EFEMP2: variants seen among roughly 807,000 people sequenced by gnomAD.
EFEMP2 encodes EGF-containing fibulin-like extracellular matrix protein 2.
EFEMP2 carries 21 observed loss-of-function variants against 55.3 expected under a neutral mutation model. The ratio of observed to expected loss-of-function variants is 0.38; its 90% confidence interval spans 0.27 to 0.55. The LOEUF is 0.55. Among genes scored for constraint, EFEMP2 ranks in the 20% least tolerant of loss-of-function variants. The probability of loss-of-function intolerance (pLI) is 0.77; values close to 1 mark genes in which losing one functional copy is unlikely to be tolerated. For synonymous variants in EFEMP2, 275 were observed against 242.3 expected, an observed-to-expected ratio of 1.14 and a Z score of -1.25; for missense variants, 513 against 615.1, an observed-to-expected ratio of 0.83 and a Z score of 1.76.
chr11:65,872,492 G>A, intron 1 of EFEMP2, 131 bp from the exon 2 acceptor site: 1 of 634,730 alleles, frequency 1.6e-6, no homozygotes, highest in Non-Finnish European at 2.8e-6. Context: ...TCCCAGGGCT[G>A]GGGGCCGACT....
At chr11:65,872,418 T>G in intron 1 of EFEMP2, 57 bp from the exon 2 acceptor site, 4 of 1,234,280 alleles carry the variant, frequency 3.2e-6, no homozygotes, top group African/African-American at 1.5e-5. Flanking sequence ...CAACTCCCTG[T>G]ACCGGGAGCC....
At position 65,872,730 on chromosome 11, in the gene EFEMP2, G is replaced by T. The variant is rs1184935223; in HGVS notation, c.-55C>A. ...GCCCGCGGCTCTGGCGGCTCGGCTG[G>T]CTCGGGCAATGCCTGCGGGCAGACG... On this transcript the variant is annotated 5_prime_UTR_variant, in exon 1 of 11. Transcript: ENST00000307998. The T allele has an allele frequency of 5.6e-6, 2 of 354,982 alleles. No homozygotes were observed. Among genetic ancestry groups the T allele is most frequent in the Non-Finnish European group, 5.7e-6 (1 of 175,554 alleles). 22.0% of individuals were successfully genotyped at this position (354,982 alleles called of 1,614,324 possible).
At chr11:65,871,066 G>C (rs1300348294) in intron 4 of EFEMP2, 91 bp downstream of exon 4, 1 of 1,428,844 alleles carries the variant, frequency 7.0e-7, no homozygotes, top group Non-Finnish European at 9.7e-7. Context: ...ATCACCAGTG[G>C]CCCTTTTGAG....
At chr11:65,867,103 C>T (rs747875416) in intron 10 of EFEMP2, 24 bp from the exon 11 acceptor site, 1 of 1,613,338 alleles carries the variant, frequency 6.2e-7, no homozygotes, top group Non-Finnish European at 8.5e-7. Flanking sequence ...GGTGGGGGGA[C>T]ATATATATTG....
rs72924781 is a variant in EFEMP2 at position 65,870,448 on chromosome 11, G to A, written c.490+88C>T. The A allele has an allele frequency of 4.5e-3, 7,143 of 1,589,232 alleles. 26 individuals are homozygous for A. Among genetic ancestry groups the A allele is most frequent in the Non-Finnish European group, 5.0e-3 (5,871 of 1,164,472 alleles). On this transcript the variant is annotated intron_variant, in intron 5 of 10. Transcript: ENST00000307998. Reference sequence around the variant, plus strand: ...TGAGGTGGCAGGGGCCGGGGGTGAAGCCTGGCTTGAATGGGGGTCAGGTGC... The same window carrying A: ...TGAGGTGGCAGGGGCCGGGGGTGAAACCTGGCTTGAATGGGGGTCAGGTGC...
In EFEMP2 at chr11:65,867,997, T is replaced by C. The variant is rs1257185766; in HGVS notation, c.1034A>G (p.His345Arg). Residue 345 changes from histidine to arginine, a missense_variant, in exon 10 of 11, where the codon CAC becomes CGC. By Grantham distance (29) the His-to-Arg change is conservative (BLOSUM62 0). Transcript: ENST00000307998. ...LCREQPSSIVHRYMTITSERS... is the reference protein window; with the variant it reads ...LCREQPSSIVRRYMTITSERS... ...CTCCGAGGTGATGGTCATGTAGCGGTGCACAATGGATGAAGGCTGCTCTCG... is the reference window on the plus strand; with the variant it reads ...CTCCGAGGTGATGGTCATGTAGCGGCGCACAATGGATGAAGGCTGCTCTCG... The C allele has an allele frequency of 6.2e-7, 1 of 1,613,904 alleles. No homozygotes were observed. Among genetic ancestry groups the C allele is most frequent in the African/African-American group, 1.3e-5 (1 of 74,910 alleles).
chr11:65,872,314 A>G lies in EFEMP2; in HGVS notation c.41T>C (p.Leu14Pro), dbSNP rs1859978687. Residue 14 changes from leucine to proline, a missense_variant, in exon 2 of 11, where the codon CTC (leucine) becomes CCC (proline). By Grantham distance (98) the Leu-to-Pro change is moderately conservative. Transcript: ENST00000307998. ...CASCLPGSLLLWALLLLLLGS... is the reference protein window; with the variant it reads ...CASCLPGSLLPWALLLLLLGS... ...CAAGAGCAACAGTAGCAGCGCCCAG[A>G]GCAGTAGAGACCCGGGTAGGCAGGA... is the stretch of plus-strand genomic sequence containing the variant. The G allele has an allele frequency of 5.2e-6, 8 of 1,551,722 alleles. No homozygotes were observed. The highest frequency in any genetic ancestry group is 1.2e-5 in the South Asian group (1 of 84,064).
chr11:65,870,089 G>GGACCCAGGAGCCTGGCCC, intron 6 of EFEMP2, 32 bp downstream of exon 6: 1 of 1,613,286 alleles, frequency 6.2e-7, no homozygotes, highest in Non-Finnish European at 8.5e-7. Flanking sequence ...TCCCTGCCCA[G>GGACCCAGGAGCCTGGCCC]GACCCAGGAG....
intron 7 of EFEMP2, chr11:65,869,609 G>T: frequency 1.8e-6 from 1 of 560,986 alleles, no homozygotes; most frequent in South Asian, 1.9e-5. Flanking sequence ...CTGATATGTG[G>T]GACAGGTGGC....
chr11:65,872,319 T>C lies in EFEMP2; in HGVS notation c.36A>G (p.Leu12=). The C allele has an allele frequency of 6.4e-7, 1 of 1,551,588 alleles. No homozygotes were observed. The highest frequency in any genetic ancestry group is 8.7e-7 in the Non-Finnish European group (1 of 1,146,976). The change falls in exon 2 of 11, where the codon CTA becomes CTG. Residue 12 remains leucine, a synonymous_variant. Transcript: ENST00000307998. ...LPCASCLPGS[L]LLWALLLLLL... ...GCAACAGTAGCAGCGCCCAGAGCAG[T>C]AGAGACCCGGGTAGGCAGGAGGCGC...
chr11:65,871,089 A>G (rs1859956895), intron 4 of EFEMP2, 68 bp downstream of exon 4: 1 of 1,568,010 alleles, frequency 6.4e-7, no homozygotes, highest in Admixed American at 1.7e-5. Context: ...GGGGAGGAAC[A>G]TGAGGTCTGA....
Position 65,870,526 on chromosome 11 carries a change from C to G in EFEMP2, c.490+10G>C. The stretch of plus-strand genomic sequence containing the variant: ...AAGCCGGGACTACAGAAGCTGCTTC[C>G]TGGACTCACCCACACACTCGGGCCC... On this transcript the variant is annotated intron_variant, in intron 5 of 10. Transcript: ENST00000307998. 1.2e-6 allele frequency: 2 copies of G among 1,613,932 alleles called. No individual in the cohort carries two copies. The highest frequency in any genetic ancestry group is 1.7e-6 in the Non-Finnish European group (2 of 1,179,920).
chr11:65,870,152 G>A lies in EFEMP2; in HGVS notation c.576C>T (p.Phe192=). The part of the protein sequence containing the change: ...GSFRCQCEPG[F]QLGPNNRSCV... ...AGGAGCGGTTGTTAGGCCCCAGCTG[G>A]AAGCCCGGCTCGCACTGGCAGCGGA... The change falls in exon 6 of 11, where the codon TTC becomes TTT. Residue 192 remains phenylalanine (F), a synonymous_variant. Transcript: ENST00000307998. 6.2e-7 allele frequency: 1 copy of A among 1,613,896 alleles called. No homozygotes were observed. The highest frequency in any genetic ancestry group is 1.1e-5 in the South Asian group (1 of 91,082).
In EFEMP2 at chr11:65,868,025, A is replaced by G. The variant is rs1321274245; in HGVS notation, c.1006T>C (p.Cys336Arg). 6.2e-7 allele frequency: 1 copy of G among 1,613,948 alleles called. No homozygotes were observed. Among genetic ancestry groups the G allele is most frequent in the East Asian group, 2.2e-5 (1 of 44,876 alleles). Residue 336 changes from cysteine (C) to arginine (R), a missense_variant, in exon 10 of 11, where the codon TGT becomes CGT. Transcript: ENST00000307998. ...ACAATGGATGAAGGCTGCTCTCGAC[A>G]TAGAGGGTTGGAGGCCGGGCAGAGA... ...RCLCPASNPL[C>R]REQPSSIVHR...
chr11:65,872,740 T>A lies in EFEMP2; in HGVS notation c.-65A>T, dbSNP rs1357733228. 2 of 340,056 alleles carry A rather than the reference T, an allele frequency of 5.9e-6. No homozygotes were observed. The highest frequency in any genetic ancestry group is 1.2e-5 in the Non-Finnish European group (2 of 166,756). The allele number at this position is 340,056 out of a possible 1,614,324, so 21.1% of individuals were successfully genotyped here. A position where few individuals can be genotyped will look rare whatever the true frequency, so the allele number is the denominator to read the frequency against. On this transcript the variant is annotated 5_prime_UTR_variant, in exon 1 of 11. Transcript: ENST00000307998. Reference sequence around the variant, plus strand: ...CTGGCGGCTCGGCTGGCTCGGGCAATGCCTGCGGGCAGACGGACGGGCGGA... The same window carrying A: ...CTGGCGGCTCGGCTGGCTCGGGCAAAGCCTGCGGGCAGACGGACGGGCGGA...
Position 65,872,565 on chromosome 11 carries a change from G to A in EFEMP2, c.-8+118C>T, listed in dbSNP as rs1166357420. 9.6e-4 allele frequency: 308 copies of A among 319,742 alleles called. No homozygotes were observed. In the African/African-American group the frequency reaches 0.012, roughly 13 times the overall value. The allele number at this position is 319,742 out of a possible 1,614,324, so 19.8% of individuals were successfully genotyped here. On this transcript the variant is annotated intron_variant, in intron 1 of 10. Coordinates refer to ENST00000307998, the MANE Select transcript of EFEMP2 (RefSeq NM_016938.5). ...CACCCGCCCCGGCCACCCCGCCCCCGCCCCGCGCCCCTGCGGCGAAGGCCG... is the reference window on the plus strand; with the variant it reads ...CACCCGCCCCGGCCACCCCGCCCCCACCCCGCGCCCCTGCGGCGAAGGCCG...
chr11:65,866,852 A>G lies in EFEMP2; in HGVS notation c.*66T>C, dbSNP rs1288240671. On this transcript the variant is annotated 3_prime_UTR_variant, in exon 11 of 11. Coordinates refer to ENST00000307998, the MANE Select transcript of EFEMP2 (RefSeq NM_016938.5). The stretch of plus-strand genomic sequence containing the variant: ...TCTTTCTCCCTTTATTGCCTTTCTC[A>G]TTCTGCCCCTCACAACAGGCTCCTC... 6.3e-7 allele frequency: 1 copy of G among 1,591,304 alleles called. No individual in the cohort carries two copies. Among genetic ancestry groups the G allele is most frequent in the Admixed American group, 1.7e-5 (1 of 59,270 alleles).
In EFEMP2 at chr11:65,872,278, G is replaced by A. The variant is rs1213628598; in HGVS notation, c.77C>T (p.Ser26Phe). Residue 26 changes from serine to phenylalanine, a missense_variant, in exon 2 of 11, where the codon TCT (serine) becomes TTT (phenylalanine). Physicochemically the swap from Ser to Phe is radical, Grantham distance 155. Transcript: ENST00000307998. ...GTCGGGCTCTTCAGAATCCTGAGGA[G>A]AAGCTGATCCCAAGAGCAACAGTAG... ...ALLLLLLGSA[S>F]PQDSEEPDSY... 3 of 1,551,688 alleles carry A rather than the reference G, an allele frequency of 1.9e-6. No individual in the cohort carries two copies. Among genetic ancestry groups the A allele is most frequent in the African/African-American group, 1.4e-5 (1 of 73,152 alleles).
Position 65,866,800 on chromosome 11 carries a change from A to G in EFEMP2, c.*118T>C. 1.5e-6 allele frequency: 2 copies of G among 1,324,616 alleles called. No homozygotes were observed. The highest frequency in any genetic ancestry group is 2.1e-6 in the Non-Finnish European group (2 of 941,064). The allele number at this position is 1,324,616 out of a possible 1,614,324, so 82.1% of individuals were successfully genotyped here. Reference sequence around the variant, plus strand: ...CCAGCCTGAGGCTTCCTGCAGTGTGACCCGCCCACCTCAGCCACCAGGACT... The same window carrying G: ...CCAGCCTGAGGCTTCCTGCAGTGTGGCCCGCCCACCTCAGCCACCAGGACT... On this transcript the variant is annotated 3_prime_UTR_variant, in exon 11 of 11. Coordinates refer to ENST00000307998, the MANE Select transcript of EFEMP2 (RefSeq NM_016938.5).
Sources: allele counts gnomAD v4.1 joint callset, GRCh38; gene constraint gnomAD v4.1.1; transcripts MANE v1.5; gene names NCBI Gene and HGNC (gene_info 2026-07-23, HGNC 2026-07-21).